The following WASF1 variants were observed in gnomAD, a reference collection of about 807,000 sequenced individuals.
The protein encoded by WASF1 is WASP family member 1.
A neutral mutation model predicts 50.5 loss-of-function variants in WASF1; 7 were observed. The ratio of observed to expected loss-of-function variants is 0.14; its 90% CI spans 0.08 to 0.26. The LOEUF is 0.26. WASF1 is among the 10% of genes least tolerant of loss of function. The probability of loss-of-function intolerance (pLI) is 1.00; values close to 1 mark genes in which losing one functional copy is unlikely to be tolerated. For missense variants in WASF1, 470 were observed against 694.7 expected (o/e 0.68, Z 3.64); for synonymous variants, 205 against 244.0 (o/e 0.84, Z 1.49).
intron 7 of WASF1, among the ~76,000 whole-genome samples, chr6:110,106,130 G>T: frequency 6.6e-6 from 1 of 152,154 alleles, no homozygotes; most frequent in East Asian, 1.9e-4. Context: ...TACAGAAAGG[G>T]CTAGAGTAAG....
At chr6:110,166,030 A>G (rs1161412613) in intron 2 of WASF1, among the ~76,000 whole-genome samples, 1 of 151,766 alleles carries the variant, frequency 6.6e-6, no homozygotes, top group Non-Finnish European at 1.5e-5. Context: ...GCAAAGTTAT[A>G]TTTTAAAGAT....
chr6:110,101,890 C>A lies in WASF1; in HGVS notation c.1220G>T (p.Cys407Phe). Residue 407 changes from cysteine (C) to phenylalanine (F), a missense_variant, in exon 10 of 11, where the codon TGT becomes TTT. Cys to Phe is a radical substitution (Grantham distance 205). Transcript: ENST00000392589. ...SPPVARAAPV[C>F]ETVPVHPLPQ... ...GAGTGGATGAACTGGTACAGTCTCA[C>A]ATACTGGGGCAGCTCTAGCTACTGG... 6.2e-7 allele frequency: 1 copy of A among 1,613,304 alleles called. No individual in the cohort carries two copies. The highest frequency in any genetic ancestry group is 8.5e-7 in the Non-Finnish European group (1 of 1,179,622).
At chr6:110,170,541 A>C (rs923720210) in intron 2 of WASF1, among the ~76,000 whole-genome samples, 2 of 152,140 alleles carry the variant, frequency 1.3e-5, no homozygotes, top group African/African-American at 4.8e-5. Flanking sequence ...CTTTTTAATG[A>C]AACAAAGAAC....
chr6:110,117,079 GA>G (rs55709399), intron 4 of WASF1, among the ~76,000 whole-genome samples: 34,868 of 146,296 alleles, frequency 0.24, 6,062 homozygotes, highest in African/African-American at 0.5. Flanking sequence ...CTGAAAATTC[GA>G]AAAAAAAAAC....
Position 110,111,685 on chromosome 6 carries a change from T to C in WASF1, c.268+1641A>G, listed in dbSNP as rs115423331. 3.1e-3 allele frequency among the ~76,000 whole-genome samples: 472 copies of C among 152,262 alleles called. 2 individuals carry two copies. Among genetic ancestry groups the C allele is most frequent in the African/African-American group, 0.011 (451 of 41,564 alleles). ...CCACATACTGTACTATTCATTCATA[T>C]GAAATATCCATACAGACAGATCCAT... is the stretch of plus-strand genomic sequence containing the variant. On this transcript the variant is annotated intron_variant, in intron 5 of 10. Transcript: ENST00000392589.
At chr6:110,136,613 G>C (rs1214473142) in intron 3 of WASF1, among the ~76,000 whole-genome samples, 3 of 152,034 alleles carry the variant, frequency 2.0e-5, no homozygotes, top group Non-Finnish European at 4.4e-5. Context: ...TATGGTTTTT[G>C]CTTAAAAGTC....
At chr6:110,124,694 G>T (rs1774344497) in intron 4 of WASF1, among the ~76,000 whole-genome samples, 1 of 152,032 alleles carries the variant, frequency 6.6e-6, no homozygotes, top group Non-Finnish European at 1.5e-5. Context: ...ATCACTTGAG[G>T]CCAGAAGTTC....
In WASF1 at chr6:110,146,608, T is replaced by C. The variant is rs528884098; in HGVS notation, c.-29+14027A>G. Among the ~76,000 whole-genome samples, 9 of 152,156 alleles carry C rather than the reference T, an allele frequency of 5.9e-5. 1 individual carries two copies. In the South Asian group the frequency reaches 1.9e-3, roughly 32 times the overall value. On this transcript the variant is annotated intron_variant, in intron 3 of 10. Transcript: ENST00000392589. ...AAAACCACAGGTCTTTAAACGGTGA[T>C]TTAATATAAAATATATTTGCAAGGT...
At chr6:110,137,078 A>G (rs1775001819) in intron 3 of WASF1, among the ~76,000 whole-genome samples, 3 of 152,232 alleles carry the variant, frequency 2.0e-5, no homozygotes, top group Non-Finnish European at 4.4e-5. Context: ...TGCTTGGCAC[A>G]TAAGAAATGT....
At chr6:110,107,604 T>C (rs914829779) in intron 6 of WASF1, among the ~76,000 whole-genome samples, 1 of 152,210 alleles carries the variant, frequency 6.6e-6, no homozygotes, top group Admixed American at 6.5e-5. Flanking sequence ...ATTTATTATC[T>C]TACTAAATCC....
chr6:110,118,920 G>C (rs957134344), intron 4 of WASF1, among the ~76,000 whole-genome samples: 7 of 152,158 alleles, frequency 4.6e-5, no homozygotes, highest in Non-Finnish European at 8.8e-5. Flanking sequence ...CATGGAAACT[G>C]AACAACCTGC....
intron 3 of WASF1, among the ~76,000 whole-genome samples, chr6:110,146,320 A>G (rs1775559018): frequency 6.6e-6 from 1 of 152,152 alleles, no homozygotes; most frequent in Non-Finnish European, 1.5e-5. Context: ...TCCCTTCTTA[A>G]GAATAGAAGC....
chr6:110,153,814 AG>A (rs1433949833), intron 3 of WASF1, among the ~76,000 whole-genome samples: 1 of 151,900 alleles, frequency 6.6e-6, no homozygotes, highest in African/African-American at 2.4e-5. Context: ...AGCCAACAAT[AG>A]GAAAACTTGG....
chr6:110,114,093 G>A (rs2114478354), intron 4 of WASF1, among the ~76,000 whole-genome samples: 1 of 152,252 alleles, frequency 6.6e-6, no homozygotes, highest in Non-Finnish European at 1.5e-5. Flanking sequence ...TGTTGATACT[G>A]CAGTTAGCTC....
intron 3 of WASF1, among the ~76,000 whole-genome samples, chr6:110,142,952 T>TAAAAAAAAAAAAAAAAAAAAAAAAAAAA (rs5879060): frequency 1.0e-4 from 12 of 119,136 alleles, no homozygotes; most frequent in South Asian, 8.6e-4. Context: ...CCCAATGATG[T>TAAAAAAAAAAAAAAAAAAAAAAAAAAAA]AAAAAAAAAA....
At chr6:110,151,252 G>A (rs575388504) in intron 3 of WASF1, among the ~76,000 whole-genome samples, 1 of 152,282 alleles carries the variant, frequency 6.6e-6, no homozygotes, top group South Asian at 2.1e-4. Flanking sequence ...AGTTCCAGCT[G>A]TTTGACATTC....
At chr6:110,124,354 A>T (rs1394822247) in intron 4 of WASF1, among the ~76,000 whole-genome samples, 2 of 134,490 alleles carry the variant, frequency 1.5e-5, no homozygotes, top group Non-Finnish European at 3.1e-5. Context: ...ACCTGCTTTC[A>T]GGACCCCTCT....
chr6:110,142,971 A>AC (rs994626623), intron 3 of WASF1, among the ~76,000 whole-genome samples: 7 of 150,894 alleles, frequency 4.6e-5, no homozygotes, highest in African/African-American at 1.7e-4. Flanking sequence ...AAAAAAAAAA[A>AC]AACTAAAGCA....
intron 2 of WASF1, among the ~76,000 whole-genome samples, chr6:110,167,909 T>C (rs1776542815): frequency 6.6e-6 from 1 of 152,040 alleles, no homozygotes; most frequent in African/African-American, 2.4e-5. Flanking sequence ...TTGTTTATTC[T>C]AGTCACTGAT....
Sources: gnomAD v4.1 joint callset for allele counts (sites outside exome capture counted in the v4.1 genomes callset) on GRCh38, gnomAD v4.1.1 for gene constraint, MANE v1.5 for transcripts, NCBI Gene and HGNC (gene_info 2026-07-23, HGNC 2026-07-21) for gene names.